GRM5: variants seen among roughly 807,000 people sequenced by gnomAD.
GRM5 encodes the protein glutamate metabotropic receptor 5.
Under a neutral mutation model 83.1 loss-of-function variants are expected in GRM5, and 19 were observed. That is an observed-to-expected ratio of 0.23 (90% CI 0.16 to 0.34). GRM5 has a LOEUF of 0.34. Among genes scored for constraint, GRM5 ranks in the 10% least tolerant of loss-of-function variants. The probability of loss-of-function intolerance (pLI) is 1.00; values close to 1 mark genes in which losing one functional copy is unlikely to be tolerated. For missense variants in GRM5, 1,160 were observed against 1,588.3 expected (o/e 0.73, Z 4.58); for synonymous variants, 675 against 633.6 (o/e 1.07, Z -0.98).
rs192344348 is a variant in GRM5, at chr11:88,805,340, C to T, written c.911+44566G>A. 3.2e-3 allele frequency among the ~76,000 whole-genome samples: 488 copies of T among 152,118 alleles called. 1 individual carries two copies. Among genetic ancestry groups the T allele is most frequent in the Non-Finnish European group, 4.2e-3 (283 of 67,970 alleles). ...CTGTGTAGCTGAGATTACAGGCATG[C>T]GCCACCACGCCCGGCTAATTTTTGT... On this transcript the variant is annotated intron_variant, in intron 3 of 9. Coordinates refer to ENST00000305447, the MANE Select transcript of GRM5 (RefSeq NM_001143831.3).
intron 2 of GRM5, among the ~76,000 whole-genome samples, chr11:88,877,843 C>CAGAA (rs144183977): frequency 5.3e-5 from 7 of 131,618 alleles, no homozygotes; most frequent in Admixed American, 3.0e-4. Flanking sequence ...AAAAAAAAAG[C>CAGAA]AGAAAGAAAG....
At chr11:88,873,458 A>C (rs1299102078) in intron 2 of GRM5, among the ~76,000 whole-genome samples, 5 of 151,648 alleles carry the variant, frequency 3.3e-5, no homozygotes, top group African/African-American at 1.2e-4. Context: ...ACCATATGTG[A>C]AGTAAAAAAA....
chr11:88,548,225 C>G (rs1026844247), intron 8 of GRM5, among the ~76,000 whole-genome samples: 4 of 152,134 alleles, frequency 2.6e-5, no homozygotes, highest in African/African-American at 9.7e-5. Context: ...GTGTTATGTT[C>G]TGAAGGAAAT....
At chr11:89,053,606 G>A (rs1164610597) in intron 1 of GRM5, among the ~76,000 whole-genome samples, 13 of 151,906 alleles carry the variant, frequency 8.6e-5, no homozygotes, top group South Asian at 4.2e-4. Flanking sequence ...GCCTGTATTC[G>A]AAGAGGGTTT....
intron 8 of GRM5, among the ~76,000 whole-genome samples, chr11:88,543,492 G>C (rs1458551164): frequency 1.3e-4 from 20 of 151,718 alleles, no homozygotes; most frequent in Admixed American, 1.3e-3. Flanking sequence ...AGTGGGGCCT[G>C]GCAAGACTCA....
intron 8 of GRM5, among the ~76,000 whole-genome samples, chr11:88,528,347 A>C (rs1356385494): frequency 6.6e-6 from 1 of 152,020 alleles, no homozygotes; most frequent in Non-Finnish European, 1.5e-5. Context: ...GCCTGTCTGT[A>C]CCTGTAATTA....
chr11:88,689,392 C>A (rs991968014), intron 3 of GRM5, among the ~76,000 whole-genome samples: 2 of 152,090 alleles, frequency 1.3e-5, no homozygotes, highest in African/African-American at 4.8e-5. Context: ...GTGAAGACTT[C>A]TTAGAGAATA....
At chr11:88,937,787 T>C (rs1398518531) in intron 2 of GRM5, among the ~76,000 whole-genome samples, 1 of 151,690 alleles carries the variant, frequency 6.6e-6, no homozygotes, top group Non-Finnish European at 1.5e-5. Flanking sequence ...AGAAGAGGTG[T>C]TTGTTATATT....
chr11:88,912,073 G>T (rs1345155470), intron 2 of GRM5: 1 of 465,762 alleles, frequency 2.1e-6, no homozygotes, highest in Admixed American at 2.4e-5. Context: ...GCGAAGTTCA[G>T]AGGAACGTGT....
At chr11:88,549,964 T>G (rs1056453093) in intron 8 of GRM5, among the ~76,000 whole-genome samples, 1 of 152,224 alleles carries the variant, frequency 6.6e-6, no homozygotes, top group East Asian at 1.9e-4. Flanking sequence ...GAAGACCTCA[T>G]CCATGAAGAT....
intron 2 of GRM5, among the ~76,000 whole-genome samples, chr11:89,016,704 T>C (rs1283276101): frequency 6.6e-6 from 1 of 152,174 alleles, no homozygotes; most frequent in Non-Finnish European, 1.5e-5. Flanking sequence ...CATCTGGGTG[T>C]ACTTTAGTGG....
chr11:88,570,571 A>ATATATATATATATATTTTTTTT (rs1405339448), intron 7 of GRM5, among the ~76,000 whole-genome samples: 1 of 46,378 alleles, frequency 2.2e-5, no homozygotes, highest in Non-Finnish European at 3.5e-5. Flanking sequence ...ATATATATAT[A>ATATATATATATATATTTTTTTT]TTTTTTTTTT....
intron 1 of GRM5, among the ~76,000 whole-genome samples, chr11:89,064,878 C>G (rs1375783654): frequency 1.5e-3 from 83 of 56,444 alleles, no homozygotes; most frequent in African/African-American, 2.9e-3. Context: ...CTCTCTCTCT[C>G]TCTCTCTCTC....
intron 3 of GRM5, among the ~76,000 whole-genome samples, chr11:88,807,354 T>C (rs1808456620): frequency 6.6e-6 from 1 of 152,168 alleles, no homozygotes; most frequent in Admixed American, 6.6e-5. Context: ...CTCAACTCTG[T>C]CCCTAGCCTG....
chr11:88,733,177 T>G (rs1186648458), intron 3 of GRM5, among the ~76,000 whole-genome samples: 1 of 152,030 alleles, frequency 6.6e-6, no homozygotes, highest in Non-Finnish European at 1.5e-5. Context: ...GTCACTAGAT[T>G]AGAAGCTTTT....
intron 2 of GRM5, among the ~76,000 whole-genome samples, chr11:88,851,513 A>C (rs1195351432): frequency 6.6e-6 from 1 of 152,202 alleles, no homozygotes; most frequent in Admixed American, 6.5e-5. Flanking sequence ...GTCAGTTTAT[A>C]TATGTTAGCT....
chr11:88,721,653 A>T (rs975208753), intron 3 of GRM5, among the ~76,000 whole-genome samples: 2 of 152,112 alleles, frequency 1.3e-5, no homozygotes, highest in Non-Finnish European at 2.9e-5. Context: ...ATTTTGTGCC[A>T]TTTGGGTAAG....
chr11:88,758,729 G>A (rs1942448717), intron 3 of GRM5, among the ~76,000 whole-genome samples: 1 of 152,068 alleles, frequency 6.6e-6, no homozygotes, highest in Non-Finnish European at 1.5e-5. Flanking sequence ...TTTATATTCA[G>A]GAAATGCAGA....
chr11:88,570,572 T>TATATA (rs1491417366), intron 7 of GRM5, among the ~76,000 whole-genome samples: 5 of 42,392 alleles, frequency 1.2e-4, no homozygotes, highest in African/African-American at 9.6e-4. Flanking sequence ...TATATATATA[T>TATATA]TTTTTTTTTT....
Sources: allele counts gnomAD v4.1 joint callset (sites outside exome capture counted in the v4.1 genomes callset), GRCh38; gene constraint gnomAD v4.1.1; transcripts MANE v1.5; gene names NCBI Gene and HGNC (gene_info 2026-07-23, HGNC 2026-07-21).